Variants in ROBO1 observed in about 807,000 individuals in gnomAD.
ROBO1 encodes roundabout guidance receptor 1, also known as roundabout homolog 1.
ROBO1 carries 149 observed loss-of-function variants against 195.9 expected under a neutral mutation model. The ratio of observed to expected loss-of-function variants is 0.76; its 90% CI spans 0.67 to 0.87. The LOEUF is 0.87. Ranked by LOEUF, ROBO1 falls within the 40% of genes least tolerant of loss-of-function variation. The pLI is 0.00. For synonymous variants in ROBO1, 816 were observed against 733.2 expected (o/e 1.11, Z -1.82); for missense variants, 1,933 against 2,068.3 (o/e 0.93, Z 1.27).
chr3:79,303,159 G>GTTT lies in ROBO1; in HGVS notation c.89-177621_89-177620insAAA, dbSNP rs368110549. Among the ~76,000 whole-genome samples the GTTT allele has an allele frequency of 5.0e-3, 358 of 71,964 alleles. 69 individuals carry two copies. Among genetic ancestry groups the GTTT allele is most frequent in the Middle Eastern group, 0.017 (1 of 60 alleles). The allele number at this position is 71,964 out of a possible 152,430, so 47.2% of individuals were successfully genotyped here. A position where few individuals can be genotyped will look rare whatever the true frequency, so the allele number is the denominator to read the frequency against. On this transcript the variant is annotated intron_variant, in intron 2 of 30. Coordinates refer to ENST00000464233, the MANE Select transcript of ROBO1 (RefSeq NM_002941.4). ...ATTAATATATGAATTATCTCACATA[G>GTTT]GTTTTTTTTTTTTTTTTTTTTTTTG...
intron 1 of ROBO1, among the ~76,000 whole-genome samples, chr3:79,732,442 A>T (rs971197018): frequency 3.3e-5 from 5 of 152,158 alleles, no homozygotes; most frequent in Non-Finnish European, 7.4e-5. Context: ...AGTCAGCCAC[A>T]TCAAACAGGA....
chr3:79,332,209 A>C (rs529923181), intron 2 of ROBO1, among the ~76,000 whole-genome samples: 1 of 152,128 alleles, frequency 6.6e-6, no homozygotes, highest in South Asian at 2.1e-4. Flanking sequence ...CCTAAAAAAA[A>C]AAAAAATACC....
intron 19 of ROBO1, 137 bp downstream of exon 19, chr3:78,651,595 T>C (rs1282003337): frequency 6.6e-6 from 4 of 606,722 alleles, no homozygotes; most frequent in Non-Finnish European, 1.1e-5. Flanking sequence ...CGCAGCACAA[T>C]AAACGCACTT....
intron 1 of ROBO1, among the ~76,000 whole-genome samples, chr3:79,668,868 G>A (rs995032758): frequency 6.6e-6 from 1 of 151,796 alleles, no homozygotes; most frequent in Non-Finnish European, 1.5e-5. Flanking sequence ...AAAGACCAAT[G>A]GCAAAGAGAG....
intron 4 of ROBO1, among the ~76,000 whole-genome samples, chr3:78,750,555 T>C (rs1486248047): frequency 2.0e-5 from 3 of 151,822 alleles, no homozygotes; most frequent in Non-Finnish European, 4.4e-5. Flanking sequence ...ATATAATCAC[T>C]ACTTTTTGAA....
chr3:79,079,181 G>A (rs951647435), intron 3 of ROBO1, among the ~76,000 whole-genome samples: 7 of 151,654 alleles, frequency 4.6e-5, no homozygotes, highest in African/African-American at 1.5e-4. Flanking sequence ...TGGAATAAAA[G>A]TATTTATTAG....
At chr3:79,428,664 A>C (rs2038550090) in intron 2 of ROBO1, among the ~76,000 whole-genome samples, 1 of 152,196 alleles carries the variant, frequency 6.6e-6, no homozygotes, top group African/African-American at 2.4e-5. Flanking sequence ...ACACATGCCC[A>C]CATGAAGAGT....
At chr3:79,348,593 G>C (rs555422022) in intron 2 of ROBO1, among the ~76,000 whole-genome samples, 1 of 152,236 alleles carries the variant, frequency 6.6e-6, no homozygotes, top group African/African-American at 2.4e-5. Context: ...ATATGGAGAA[G>C]ACATCCTATT....
intron 3 of ROBO1, among the ~76,000 whole-genome samples, chr3:79,096,668 GTA>G (rs954371167): frequency 6.6e-6 from 1 of 150,460 alleles, no homozygotes. Context: ...TCATATATGT[GTA>G]TATATATGTG....
At chr3:79,536,440 T>G (rs1941866717) in intron 2 of ROBO1, among the ~76,000 whole-genome samples, 1 of 152,200 alleles carries the variant, frequency 6.6e-6, no homozygotes, top group Non-Finnish European at 1.5e-5. Context: ...AGATTGATAA[T>G]TTCTGCATTT....
At chr3:78,749,081 C>A (rs1381830934) in intron 4 of ROBO1, among the ~76,000 whole-genome samples, 3 of 151,976 alleles carry the variant, frequency 2.0e-5, no homozygotes, top group African/African-American at 4.8e-5. Context: ...AAATATAAGG[C>A]CTGCAGAAAA....
intron 1 of ROBO1, among the ~76,000 whole-genome samples, chr3:79,648,476 A>T (rs1945901460): frequency 6.6e-6 from 1 of 152,104 alleles, no homozygotes; most frequent in Non-Finnish European, 1.5e-5. Context: ...GTGAGTTTGT[A>T]GACATTAAAT....
chr3:79,469,803 A>G (rs1218277089), intron 2 of ROBO1, among the ~76,000 whole-genome samples: 1 of 152,192 alleles, frequency 6.6e-6, no homozygotes, highest in Non-Finnish European at 1.5e-5. Context: ...AGAAAGTTAC[A>G]ACAATTTGAA....
chr3:78,941,142 T>C (rs1452980431), intron 3 of ROBO1, among the ~76,000 whole-genome samples: 1 of 152,148 alleles, frequency 6.6e-6, no homozygotes, highest in East Asian at 1.9e-4. Flanking sequence ...ATGTCCACCA[T>C]GAAACAAAAA....
intron 2 of ROBO1, among the ~76,000 whole-genome samples, chr3:79,252,069 T>A (rs139308522): frequency 1.3e-5 from 2 of 152,282 alleles, no homozygotes; most frequent in African/African-American, 4.8e-5. Flanking sequence ...GCAACTCTAT[T>A]GTAAATTTTA....
intron 2 of ROBO1, among the ~76,000 whole-genome samples, chr3:79,520,165 A>G (rs1941147871): frequency 6.6e-6 from 1 of 151,622 alleles, no homozygotes; most frequent in Non-Finnish European, 1.5e-5. Flanking sequence ...ATCAAAAAAA[A>G]AAAAAAAAGA....
intron 2 of ROBO1, among the ~76,000 whole-genome samples, chr3:79,448,390 A>G (rs185194696): frequency 6.6e-6 from 1 of 152,342 alleles, no homozygotes; most frequent in African/African-American, 2.4e-5. Flanking sequence ...TCTTAAATGT[A>G]AACTCAGTCT....
At chr3:79,720,264 T>C (rs1702644449) in intron 1 of ROBO1, among the ~76,000 whole-genome samples, 1 of 152,258 alleles carries the variant, frequency 6.6e-6, no homozygotes, top group African/African-American at 2.4e-5. Flanking sequence ...TCTTGGAACA[T>C]TCCTTATAGG....
At chr3:78,626,430 T>C (rs1053380103) in intron 26 of ROBO1, among the ~76,000 whole-genome samples, 2 of 152,188 alleles carry the variant, frequency 1.3e-5, no homozygotes, top group Non-Finnish European at 2.9e-5. Flanking sequence ...AATTCTGTTT[T>C]AATCTACAGA....
Sources: gnomAD v4.1 joint callset for allele counts (sites outside exome capture counted in the v4.1 genomes callset) on GRCh38, gnomAD v4.1.1 for gene constraint, MANE v1.5 for transcripts, NCBI Gene and HGNC (gene_info 2026-07-23, HGNC 2026-07-21) for gene names.